The following DCBLD2 variants were observed in gnomAD, a reference collection of about 807,000 sequenced individuals.
DCBLD2 encodes the protein discoidin, CUB and LCCL domain-containing protein 2.
In DCBLD2, 54 loss-of-function variants were observed where a neutral mutation model predicts 86.8. That is an observed-to-expected ratio of 0.62 (90% CI 0.50 to 0.78). The LOEUF is 0.78. DCBLD2 is among the 30% of genes least tolerant of loss of function. DCBLD2 has a pLI of 0.00. For synonymous variants in DCBLD2, 354 were observed against 341.3 expected (o/e 1.04, Z -0.41); for missense variants, 908 against 954.2 (o/e 0.95, Z 0.64).
At chr3:98,834,801 T>G (rs1359323920) in intron 3 of DCBLD2, among the ~76,000 whole-genome samples, 1 of 152,258 alleles carries the variant, frequency 6.6e-6, no homozygotes, top group Non-Finnish European at 1.5e-5. Context: ...CTTATAGATG[T>G]TATCCTAAAA....
At chr3:98,849,838 T>C (rs1942801321) in intron 2 of DCBLD2, among the ~76,000 whole-genome samples, 2 of 152,146 alleles carry the variant, frequency 1.3e-5, no homozygotes. Context: ...TTATAGAGAT[T>C]AATTTCCTGT....
chr3:98,822,536 A>G lies in DCBLD2; in HGVS notation c.696+133T>C. The G allele has an allele frequency of 3.2e-6, 4 of 1,236,718 alleles. No individual in the cohort carries two copies. The South Asian group carries it at 6.6e-5, about 21-fold the overall frequency. The allele number at this position is 1,236,718 out of a possible 1,614,324, so 76.6% of individuals were successfully genotyped here. ...AGTTTTAGCAGAAGAAAAAGAATAA[A>G]ACACATATGATTAAAAAATGTCTTA... is the stretch of plus-strand genomic sequence containing the variant. On this transcript the variant is annotated intron_variant, in intron 5 of 15. Coordinates refer to ENST00000326840, the MANE Select transcript of DCBLD2 (RefSeq NM_080927.4).
At chr3:98,860,496 G>A (rs1415232697) in intron 2 of DCBLD2, among the ~76,000 whole-genome samples, 1 of 152,140 alleles carries the variant, frequency 6.6e-6, no homozygotes, top group Non-Finnish European at 1.5e-5. Context: ...TACCCACGAA[G>A]GGAAGCCCAT....
intron 2 of DCBLD2, among the ~76,000 whole-genome samples, chr3:98,869,642 G>A (rs977210076): frequency 2.0e-5 from 3 of 152,146 alleles, no homozygotes; most frequent in African/African-American, 7.2e-5. Flanking sequence ...ACATAAACAC[G>A]TTCTTTGAGG....
At chr3:98,804,484 T>G (rs1014838454) in intron 13 of DCBLD2, among the ~76,000 whole-genome samples, 3 of 152,218 alleles carry the variant, frequency 2.0e-5, no homozygotes, top group Non-Finnish European at 2.9e-5. Flanking sequence ...TTGTTGATCT[T>G]TTCAAAAAAC....
chr3:98,843,825 G>T (rs1227753589), intron 3 of DCBLD2, among the ~76,000 whole-genome samples: 1 of 152,048 alleles, frequency 6.6e-6, no homozygotes, highest in Non-Finnish European at 1.5e-5. Context: ...TTCCGATTAG[G>T]AACTATATTA....
At chr3:98,818,572 G>T (rs1463600222) in intron 8 of DCBLD2, among the ~76,000 whole-genome samples, 5 of 152,220 alleles carry the variant, frequency 3.3e-5, no homozygotes, top group African/African-American at 1.2e-4. Flanking sequence ...GTCTGTGAGG[G>T]TGTTGCTAGA....
rs1025460685 is a variant in DCBLD2 at position 98,801,507 on chromosome 3, T to C, written c.1720+93A>G. ...TTCTAACAGTGTCGGGGAGTTCACC[T>C]GGGCCAGAGAATGACTCTTTTTTCA... On this transcript the variant is annotated intron_variant, in intron 14 of 15. Transcript: ENST00000326840. 2.5e-5 allele frequency: 24 copies of C among 978,436 alleles called. No individual in the cohort carries two copies. The African/African-American group carries it at 3.4e-4, about 14-fold the overall frequency. 60.6% of individuals were successfully genotyped at this position (978,436 alleles called of 1,614,324 possible). A position where few individuals can be genotyped will look rare whatever the true frequency, so the allele number is the denominator to read the frequency against.
At chr3:98,880,886 A>C (rs1943456714) in intron 2 of DCBLD2, among the ~76,000 whole-genome samples, 1 of 152,190 alleles carries the variant, frequency 6.6e-6, no homozygotes, top group African/African-American at 2.4e-5. Context: ...ACTGTCTCCT[A>C]AGCATTAATT....
chr3:98,816,469 G>A (rs937523228), intron 9 of DCBLD2, among the ~76,000 whole-genome samples: 4 of 152,142 alleles, frequency 2.6e-5, no homozygotes, highest in Non-Finnish European at 5.9e-5. Context: ...CAGGAGTAAA[G>A]AGTAGTCAAG....
At chr3:98,871,351 T>C (rs1311269975) in intron 2 of DCBLD2, among the ~76,000 whole-genome samples, 1 of 152,166 alleles carries the variant, frequency 6.6e-6, no homozygotes, top group Non-Finnish European at 1.5e-5. Flanking sequence ...TGGGCATTCT[T>C]GTCTTGTTCC....
chr3:98,839,022 C>T (rs561398204), intron 3 of DCBLD2, among the ~76,000 whole-genome samples: 9 of 103,010 alleles, frequency 8.7e-5, no homozygotes, highest in African/African-American at 1.8e-4. Context: ...AGAGGGAGAC[C>T]GTCGGGAGAG....
At chr3:98,852,202 G>C (rs1410509085) in intron 2 of DCBLD2, among the ~76,000 whole-genome samples, 1 of 150,626 alleles carries the variant, frequency 6.6e-6, no homozygotes, top group African/African-American at 2.4e-5. Flanking sequence ...GTGTTTACTT[G>C]TAAAATTTCC....
chr3:98,881,771 TA>T lies in DCBLD2; in HGVS notation c.206-5del, dbSNP rs763038958. ...ACAGTGTGTCCACATCCATCACCTT[TA>T]AAAAAAGTGAAAAGAATGATAAATT... On this transcript the variant is annotated splice_polypyrimidine_tract_variant and splice_region_variant and intron_variant, in intron 1 of 15. Coordinates refer to ENST00000326840, the MANE Select transcript of DCBLD2 (RefSeq NM_080927.4). 55 of 1,580,094 alleles carry T rather than the reference TA, an allele frequency of 3.5e-5. 2 individuals carry two copies. The South Asian group carries it at 6.4e-4, about 18-fold the overall frequency.
At chr3:98,802,995 T>C (rs1283444554) in intron 13 of DCBLD2, among the ~76,000 whole-genome samples, 1 of 152,214 alleles carries the variant, frequency 6.6e-6, no homozygotes, top group Non-Finnish European at 1.5e-5. Flanking sequence ...TGCCTCCAGC[T>C]TTGTTCTTTT....
In DCBLD2 at chr3:98,806,318, T is replaced by C. The variant is rs1941838286; in HGVS notation, c.1670+1763A>G. 3.3e-5 allele frequency among the ~76,000 whole-genome samples: 5 copies of C among 152,346 alleles called. No individual in the cohort carries two copies. The South Asian group carries it at 1.0e-3, about 32-fold the overall frequency. Reference sequence around the variant, plus strand: ...AAAATACAGGTATTTGGAATAATTATGTAGAATAGTGACTAAGATTAGCAT... The same window carrying C: ...AAAATACAGGTATTTGGAATAATTACGTAGAATAGTGACTAAGATTAGCAT... On this transcript the variant is annotated intron_variant, in intron 13 of 15. Transcript: ENST00000326840.
intron 3 of DCBLD2, among the ~76,000 whole-genome samples, chr3:98,844,672 A>G (rs1203925560): frequency 6.6e-6 from 1 of 152,116 alleles, no homozygotes; most frequent in African/African-American, 2.4e-5. Context: ...CACATTCATT[A>G]TTATACTAAA....
chr3:98,805,501 G>A (rs535127874), intron 13 of DCBLD2, among the ~76,000 whole-genome samples: 2 of 152,268 alleles, frequency 1.3e-5, no homozygotes, highest in African/African-American at 4.8e-5. Context: ...AAAGCTTCTG[G>A]TTACTTATTC....
intron 3 of DCBLD2, among the ~76,000 whole-genome samples, chr3:98,829,254 C>T (rs547227024): frequency 6.6e-6 from 1 of 152,218 alleles, no homozygotes; most frequent in South Asian, 2.1e-4. Flanking sequence ...GACCCCACCA[C>T]CAAGAGAGTG....
Sources: gnomAD v4.1 joint callset for allele counts (sites outside exome capture counted in the v4.1 genomes callset) on GRCh38, gnomAD v4.1.1 for gene constraint, MANE v1.5 for transcripts, NCBI Gene and HGNC (gene_info 2026-07-23, HGNC 2026-07-21) for gene names.